Variants in WWOX observed in about 807,000 individuals in gnomAD.
The protein encoded by WWOX is WW domain containing oxidoreductase, also known as WW domain-containing oxidoreductase.
A neutral mutation model predicts 46.2 loss-of-function variants in WWOX; 69 were observed. The ratio of observed to expected loss-of-function variants is 1.49; its 90% CI spans 1.23 to 1.82. WWOX has a LOEUF of 1.82. Among genes scored for constraint, WWOX ranks in the 40% most tolerant of loss-of-function variants. The pLI is 0.00. For synonymous variants in WWOX, 359 were observed against 202.6 expected, an observed-to-expected ratio of 1.77 and a Z score of -6.56; for missense variants, 919 against 542.6, an observed-to-expected ratio of 1.69 and a Z score of -6.89.
intron 8 of WWOX, among the ~76,000 whole-genome samples, chr16:78,982,746 C>G (rs369932779): frequency 6.6e-6 from 1 of 152,158 alleles, no homozygotes; most frequent in Non-Finnish European, 1.5e-5. Context: ...CCTGCAAACC[C>G]TCGAGAAGTT....
At chr16:78,990,994 G>C (rs1004645479) in intron 8 of WWOX, among the ~76,000 whole-genome samples, 9 of 152,228 alleles carry the variant, frequency 5.9e-5, no homozygotes, top group African/African-American at 2.2e-4. Context: ...AGGACAGCCT[G>C]TTTGGATCTT....
chr16:78,120,518 T>C (rs370591722), intron 4 of WWOX, among the ~76,000 whole-genome samples: 123 of 147,448 alleles, frequency 8.3e-4, no homozygotes, highest in African/African-American at 2.9e-3. Context: ...TGCAGTGAGC[T>C]GAGATTGCGC....
intron 8 of WWOX, among the ~76,000 whole-genome samples, chr16:78,803,343 T>C (rs2050945726): frequency 2.0e-5 from 3 of 152,156 alleles, no homozygotes. Flanking sequence ...GTCAAATTGC[T>C]CTTCATTCTC....
chr16:78,746,217 A>G (rs2049344111), intron 8 of WWOX, among the ~76,000 whole-genome samples: 1 of 152,198 alleles, frequency 6.6e-6, no homozygotes, highest in Non-Finnish European at 1.5e-5. Context: ...GTACAACAGG[A>G]CTGAGCATGG....
chr16:78,702,117 TA>T (rs1214593503), intron 8 of WWOX, among the ~76,000 whole-genome samples: 27 of 133,482 alleles, frequency 2.0e-4, no homozygotes, highest in East Asian at 8.2e-4. Flanking sequence ...TATATATATA[TA>T]TATATTTATT....
intron 8 of WWOX, among the ~76,000 whole-genome samples, chr16:78,518,788 A>G (rs1223117356): frequency 1.3e-5 from 2 of 152,204 alleles, no homozygotes; most frequent in Non-Finnish European, 2.9e-5. Flanking sequence ...GCTTCAAGAC[A>G]GGGATTTCCT....
chr16:78,787,098 A>G (rs757187448), intron 8 of WWOX, among the ~76,000 whole-genome samples: 13 of 152,206 alleles, frequency 8.5e-5, no homozygotes, highest in Admixed American at 4.6e-4. Flanking sequence ...CAGTGAGCCA[A>G]GATTGCACCA....
chr16:78,396,257 G>A (rs2082284028), intron 6 of WWOX, among the ~76,000 whole-genome samples: 1 of 151,958 alleles, frequency 6.6e-6, no homozygotes, highest in Non-Finnish European at 1.5e-5. Context: ...CTGGTGGAGA[G>A]AATAATTATT....
In WWOX at chr16:79,047,672, A is replaced by ATTTTTTTTTT. The variant is rs71140858; in HGVS notation, c.1057-163916_1057-163907dup. Among the ~76,000 whole-genome samples the ATTTTTTTTTT allele has an allele frequency of 2.1e-4, 11 of 53,542 alleles. 2 individuals are homozygous for ATTTTTTTTTT. The highest frequency in any genetic ancestry group is 3.5e-4 in the Non-Finnish European group (10 of 28,464). 35.1% of individuals were successfully genotyped at this position (53,542 alleles called of 152,430 possible). ...GTGACTTTCTCCTGAGACTGTCCTG[A>ATTTTTTTTTT]TTTTTTTTTTTTTTTTTTTTTTTTT... On this transcript the variant is annotated intron_variant, in intron 8 of 8. Coordinates refer to ENST00000566780, the MANE Select transcript of WWOX (RefSeq NM_016373.4).
At chr16:78,122,083 G>A (rs1460877366) in intron 4 of WWOX, among the ~76,000 whole-genome samples, 8 of 152,148 alleles carry the variant, frequency 5.3e-5, no homozygotes, top group Non-Finnish European at 1.0e-4. Context: ...CATTGTTATA[G>A]TTCTATTTTA....
At chr16:78,485,387 G>T (rs1234510129) in intron 8 of WWOX, among the ~76,000 whole-genome samples, 2 of 152,004 alleles carry the variant, frequency 1.3e-5, no homozygotes, top group African/African-American at 4.8e-5. Flanking sequence ...ACCCTGTTTT[G>T]GGTTTCTTTT....
chr16:78,209,731 G>C (rs993179329), intron 5 of WWOX, among the ~76,000 whole-genome samples: 2 of 97,726 alleles, frequency 2.0e-5, no homozygotes, highest in South Asian at 3.6e-4. Flanking sequence ...GTATGGGCTT[G>C]CGGAGATTAA....
intron 8 of WWOX, among the ~76,000 whole-genome samples, chr16:78,807,387 C>T (rs1054805946): frequency 2.0e-5 from 3 of 152,208 alleles, no homozygotes; most frequent in Non-Finnish European, 4.4e-5. Context: ...TATTCTTGTT[C>T]TTCTAAGCTT....
intron 5 of WWOX, among the ~76,000 whole-genome samples, chr16:78,364,172 C>G (rs925036996): frequency 6.6e-6 from 1 of 152,260 alleles, no homozygotes; most frequent in East Asian, 1.9e-4. Flanking sequence ...GCAGCAAAGA[C>G]TATAATTTTA....
chr16:78,827,168 A>G (rs1045070836), intron 8 of WWOX, among the ~76,000 whole-genome samples: 1 of 152,140 alleles, frequency 6.6e-6, no homozygotes. Context: ...CCAACTGCAA[A>G]GTACATAGGC....
At chr16:78,821,138 G>T (rs2051481891) in intron 8 of WWOX, among the ~76,000 whole-genome samples, 2 of 152,174 alleles carry the variant, frequency 1.3e-5, no homozygotes, top group Non-Finnish European at 2.9e-5. Context: ...AAACGTATGG[G>T]TGTGCTTTCT....
chr16:79,149,034 T>C (rs925940348), intron 8 of WWOX, among the ~76,000 whole-genome samples: 1 of 152,008 alleles, frequency 6.6e-6, no homozygotes, highest in Admixed American at 6.5e-5. Context: ...CTTTTTTTAT[T>C]GCCTTATTGT....
intron 8 of WWOX, among the ~76,000 whole-genome samples, chr16:78,533,411 T>TAAA (rs11324963): frequency 0.014 from 2,068 of 147,152 alleles, 17 homozygotes; most frequent in African/African-American, 0.027. Context: ...GTTGATGAGC[T>TAAA]AAAAAAAAAA....
At position 78,699,359 on chromosome 16, in the gene WWOX, T is replaced by C. The variant is rs1465046393; in HGVS notation, c.1056+266607T>C. Among the ~76,000 whole-genome samples the C allele has an allele frequency of 2.7e-5, 4 of 148,194 alleles. No individual in the cohort carries two copies. The East Asian group carries it at 7.7e-4, about 29-fold the overall frequency. Reference sequence around the variant, plus strand: ...GACTGGGCAACATGGTGAAGCCGTGTTTCTACAAAAAATACAAAAAAAAAA... The same window carrying C: ...GACTGGGCAACATGGTGAAGCCGTGCTTCTACAAAAAATACAAAAAAAAAA... On this transcript the variant is annotated intron_variant, in intron 8 of 8. Transcript: ENST00000566780.
Sources: gnomAD v4.1 joint callset for allele counts (sites outside exome capture counted in the v4.1 genomes callset) on GRCh38, gnomAD v4.1.1 for gene constraint, MANE v1.5 for transcripts, NCBI Gene and HGNC (gene_info 2026-07-23, HGNC 2026-07-21) for gene names.